Variants in MYLK observed in about 807,000 individuals in gnomAD.
MYLK encodes myosin light chain kinase, also known as myosin light chain kinase, smooth muscle.
Under a neutral mutation model 203.4 loss-of-function variants are expected in MYLK, and 106 were observed. The ratio of observed to expected loss-of-function variants is 0.52; its 90% CI spans 0.45 to 0.61. The LOEUF (loss-of-function observed/expected upper bound fraction) is 0.61. Among genes scored for constraint, MYLK ranks in the 20% least tolerant of loss-of-function variants. The probability of loss-of-function intolerance (pLI) is 0.00; values close to 1 mark genes in which losing one functional copy is unlikely to be tolerated. For missense variants in MYLK, 2,072 were observed against 2,442.3 expected (o/e 0.85, Z 3.20); for synonymous variants, 867 against 959.5 (o/e 0.90, Z 1.78).
rs569712896 is a variant in MYLK at position 123,768,449 on chromosome 3, G to A, written c.166-15911C>T. On this transcript the variant is annotated intron_variant, in intron 4 of 33. Transcript: ENST00000360304. ...CCTGAAGGGAAGACCCATTCAGTAA[G>A]GACAGCCCTGACCTGAATGACCCAC... Among the ~76,000 whole-genome samples the A allele has an allele frequency of 3.9e-5, 6 of 152,264 alleles. No individual in the cohort carries two copies. In the South Asian group the frequency reaches 1.2e-3, roughly 32 times the overall value.
At position 123,739,439 on chromosome 3, in the gene MYLK, G is replaced by T. The variant is rs74677980; in HGVS notation, c.423-377C>A. The stretch of plus-strand genomic sequence containing the variant: ...GGCTCTGCAGTCTCTCGTCCACTCT[G>T]CTGGTGAGATGCAGAAGGCCCAGTG... On this transcript the variant is annotated intron_variant, in intron 6 of 33. Transcript: ENST00000360304. 9.3e-3 allele frequency among the ~76,000 whole-genome samples: 1,421 copies of T among 152,332 alleles called. 31 individuals carry two copies. The highest frequency in any genetic ancestry group is 0.032 in the African/African-American group (1,340 of 41,584).
At position 123,709,823 on chromosome 3, in the gene MYLK, G is replaced by A; in HGVS notation, c.1875C>T (p.Phe625=). The A allele has an allele frequency of 6.2e-7, 1 of 1,614,220 alleles. No homozygotes were observed. Among genetic ancestry groups the A allele is most frequent in the East Asian group, 2.2e-5 (1 of 44,892 alleles). The change falls in exon 14 of 34, where the codon TTC becomes TTT. Residue 625 remains phenylalanine (F), a synonymous_variant. Coordinates refer to ENST00000360304, the MANE Select transcript of MYLK (RefSeq NM_053025.4). ...VAPSKPTAPI[F]LQGLSDLKVM... ...CTTTGAGATCAGAGAGGCCCTGCAG[G>A]AAGATGGGTGCAGTGGGCTTGCTGG...
At chr3:123,731,321 T>C (rs551325978) in intron 11 of MYLK, among the ~76,000 whole-genome samples, 1 of 152,316 alleles carries the variant, frequency 6.6e-6, no homozygotes, top group African/African-American at 2.4e-5. Context: ...CCCCATTCCT[T>C]CCTGTGAACC....
At chr3:123,738,085 G>C (rs989757640) in intron 7 of MYLK, among the ~76,000 whole-genome samples, 3 of 142,972 alleles carry the variant, frequency 2.1e-5, no homozygotes, top group South Asian at 2.2e-4. Flanking sequence ...AGCCCTGAAT[G>C]ATTTATAAAT....
At chr3:123,835,196 G>A (rs1195688118) in intron 2 of MYLK, among the ~76,000 whole-genome samples, 1 of 152,188 alleles carries the variant, frequency 6.6e-6, no homozygotes, top group African/African-American at 2.4e-5. Flanking sequence ...CAGACCTGCT[G>A]AATCAGAAAC....
intron 31 of MYLK, among the ~76,000 whole-genome samples, chr3:123,625,590 C>T (rs923325391): frequency 1.3e-5 from 2 of 151,938 alleles, no homozygotes; most frequent in Non-Finnish European, 2.9e-5. Flanking sequence ...GGGTGGATCA[C>T]GAGGTCAGGA....
chr3:123,755,085 G>C (rs1236587603), intron 4 of MYLK, among the ~76,000 whole-genome samples: 1 of 152,210 alleles, frequency 6.6e-6, no homozygotes, highest in African/African-American at 2.4e-5. Flanking sequence ...CTCATACAGT[G>C]AATCTGCAAA....
In MYLK at chr3:123,640,007, T is replaced by C. The variant is rs2058775611; in HGVS notation, c.4837+280A>G. On this transcript the variant is annotated intron_variant, in intron 28 of 33. Transcript: ENST00000360304. The surrounding 1 kb of genome is among the most constrained non-coding windows in gnomAD (Gnocchi z 4.3). ...ACAGCTAACACCTAAGCAGTCTTAC[T>C]ATGTGCAAAGCACTCTTCCCATCCC... Among the ~76,000 whole-genome samples, 1 of 152,140 alleles carries C rather than the reference T, an allele frequency of 6.6e-6. No individual in the cohort carries two copies. The highest frequency in any genetic ancestry group is 1.5e-5 in the Non-Finnish European group (1 of 68,030).
At chr3:123,788,741 G>A (rs2064650386) in intron 4 of MYLK, among the ~76,000 whole-genome samples, 1 of 152,164 alleles carries the variant, frequency 6.6e-6, no homozygotes, top group African/African-American at 2.4e-5. Flanking sequence ...GTATTCTCAT[G>A]TTCCCTTCCT....
chr3:123,872,379 T>TA (rs1303022862), intron 2 of MYLK, among the ~76,000 whole-genome samples: 1 of 152,140 alleles, frequency 6.6e-6, no homozygotes, highest in Non-Finnish European at 1.5e-5. Context: ...AGCTGCGTCT[T>TA]ACAATCCAAT....
intron 8 of MYLK, 147 bp from the exon 9 acceptor site, chr3:123,735,563 C>G: frequency 1.2e-6 from 1 of 830,280 alleles, no homozygotes; most frequent in East Asian, 2.6e-5. Flanking sequence ...GGCCTTTGAA[C>G]TCCCCCCAGC....
intron 24 of MYLK, among the ~76,000 whole-genome samples, chr3:123,653,255 G>A (rs979197775): frequency 4.6e-5 from 7 of 151,916 alleles, no homozygotes; most frequent in African/African-American, 1.5e-4. Context: ...ACACACACAC[G>A]TGCGTGAACA....
Position 123,741,547 on chromosome 3 carries a change from G to A in MYLK, c.374-1546C>T, listed in dbSNP as rs2062856529. Among the ~76,000 whole-genome samples the A allele has an allele frequency of 2.6e-5, 4 of 152,200 alleles. No individual in the cohort carries two copies. In the South Asian group the frequency reaches 8.3e-4, roughly 32 times the overall value. On this transcript the variant is annotated intron_variant, in intron 5 of 33. Transcript: ENST00000360304. ...GCTGGGCCCTCAGATGCTGCTGGAG[G>A]CAGAGCCAACTGTCCAGTCCTCCTG...
At chr3:123,706,906 A>C (rs1487363445) in intron 16 of MYLK, among the ~76,000 whole-genome samples, 1 of 152,150 alleles carries the variant, frequency 6.6e-6, no homozygotes, top group Non-Finnish European at 1.5e-5. Flanking sequence ...GTAGTTTTAA[A>C]ATGTCTGCAA....
At chr3:123,862,988 G>A (rs1227187655) in intron 2 of MYLK, among the ~76,000 whole-genome samples, 1 of 152,184 alleles carries the variant, frequency 6.6e-6, no homozygotes, top group East Asian at 1.9e-4. Flanking sequence ...CGTAAGAAGG[G>A]TTATTATAAC....
At position 123,793,736 on chromosome 3, in the gene MYLK, T is replaced by C; in HGVS notation, c.106A>G (p.Ile36Val). 6.2e-7 allele frequency: 1 copy of C among 1,614,020 alleles called. No individual in the cohort carries two copies. Among genetic ancestry groups the C allele is most frequent in the South Asian group, 1.1e-5 (1 of 91,068 alleles). Residue 36 changes from isoleucine (I) to valine (V), a missense_variant, in exon 4 of 34, where the codon ATT becomes GTT. Ile to Val is a conservative substitution (Grantham distance 29, BLOSUM62 3). Coordinates refer to ENST00000360304, the MANE Select transcript of MYLK (RefSeq NM_053025.4). ...ATGCAGAGGTTCCGAGGGGGCAAAA[T>C]GAAAGCAGGGGCCTCTGTCAGGGGC... ...SMPLTEAPAF[I>V]LPPRNLCIKE...
At chr3:123,618,810 G>T in intron 32 of MYLK, 40 bp from the exon 33 acceptor site, 1 of 1,612,862 alleles carries the variant, frequency 6.2e-7, no homozygotes. Flanking sequence ...TTCTTCACTC[G>T]TTGTTCTCGC....
intron 13 of MYLK, among the ~76,000 whole-genome samples, chr3:123,718,614 A>C (rs2061985682): frequency 2.6e-5 from 4 of 152,094 alleles, no homozygotes; most frequent in Admixed American, 2.6e-4. Context: ...TGTGCTGCCC[A>C]CCTAGAGCTC....
At chr3:123,832,580 G>A (rs2066365325) in intron 2 of MYLK, among the ~76,000 whole-genome samples, 1 of 152,210 alleles carries the variant, frequency 6.6e-6, no homozygotes. Flanking sequence ...AGTGTTAAGA[G>A]GTAGGACCTT....
Sources: gnomAD v4.1 joint callset for allele counts (sites outside exome capture counted in the v4.1 genomes callset) on GRCh38, gnomAD v4.1.1 for gene constraint, Gnocchi (gnomAD v3.1) non-coding constraint, MANE v1.5 for transcripts, NCBI Gene and HGNC (gene_info 2026-07-23, HGNC 2026-07-21) for gene names.